Variants in DPP6 observed in about 807,000 individuals in gnomAD.
DPP6 encodes dipeptidyl peptidase like 6.
In DPP6, 69 loss-of-function variants were observed where a neutral mutation model predicts 122.6. That is an observed-to-expected ratio of 0.56 (90% CI 0.46 to 0.69). The LOEUF is 0.69. Among genes scored for constraint, DPP6 ranks in the 30% least tolerant of loss-of-function variants. The pLI is 0.00. For missense variants in DPP6, 928 were observed against 1,116.9 expected, an observed-to-expected ratio of 0.83 and a Z score of 2.41; for synonymous variants, 418 against 433.1, an observed-to-expected ratio of 0.97 and a Z score of 0.43.
chr7:153,908,648 A>G, intron 1 of DPP6, among the ~76,000 whole-genome samples: 1 of 152,238 alleles, frequency 6.6e-6, no homozygotes, highest in East Asian at 1.9e-4. Context: ...TGCCATCTTC[A>G]AGGATTTCAT....
intron 16 of DPP6, among the ~76,000 whole-genome samples, chr7:154,815,210 T>C (rs927394649): frequency 1.1e-4 from 17 of 152,226 alleles, no homozygotes; most frequent in Non-Finnish European, 2.4e-4. Flanking sequence ...AGGGGGTCAC[T>C]GAAGGAAGTA....
Position 154,892,672 on chromosome 7 carries a change from C to A in DPP6, c.*192C>A. On this transcript the variant is annotated 3_prime_UTR_variant, in exon 26 of 26. Coordinates refer to ENST00000377770, the MANE Select transcript of DPP6 (RefSeq NM_130797.4). The stretch of plus-strand genomic sequence containing the variant: ...CCTTCCCCGGGGTCATCACTCACGG[C>A]CTCCATGGCACCAGGGACAACGCTG... The A allele has an allele frequency of 2.5e-6, 3 of 1,190,428 alleles. No homozygotes were observed. The highest frequency in any genetic ancestry group is 3.6e-6 in the Non-Finnish European group (3 of 822,676). 73.7% of individuals were successfully genotyped at this position (1,190,428 alleles called of 1,614,324 possible).
intron 1 of DPP6, among the ~76,000 whole-genome samples, chr7:154,149,895 G>A (rs1315186252): frequency 2.6e-5 from 4 of 152,048 alleles, no homozygotes; most frequent in Admixed American, 6.6e-5. Context: ...TCAGACCACC[G>A]GGAAAGTTCC....
At chr7:154,773,170 T>G (rs1410539441) in intron 10 of DPP6, among the ~76,000 whole-genome samples, 1 of 152,186 alleles carries the variant, frequency 6.6e-6, no homozygotes, top group Non-Finnish European at 1.5e-5. Flanking sequence ...CAGGTTATCC[T>G]CCTGAGAGCT....
At chr7:154,009,976 A>G (rs1238306480) in intron 1 of DPP6, among the ~76,000 whole-genome samples, 2 of 152,268 alleles carry the variant, frequency 1.3e-5, no homozygotes, top group African/African-American at 2.4e-5. Context: ...CTAAAGTCGC[A>G]TAGGTAATTA....
chr7:154,616,733 A>G (rs1437850953), intron 5 of DPP6, among the ~76,000 whole-genome samples: 27 of 152,192 alleles, frequency 1.8e-4, no homozygotes. Flanking sequence ...CAAACAGTGA[A>G]ACTAGGTCTT....
chr7:154,447,113 C>T (rs1819945106), intron 2 of DPP6, among the ~76,000 whole-genome samples: 1 of 152,114 alleles, frequency 6.6e-6, no homozygotes, highest in Non-Finnish European at 1.5e-5. Context: ...CGAGACCATC[C>T]TGGCCAACAG....
chr7:154,345,939 T>A (rs942203432), intron 1 of DPP6, among the ~76,000 whole-genome samples: 2 of 152,208 alleles, frequency 1.3e-5, no homozygotes, highest in Non-Finnish European at 2.9e-5. Context: ...CAGAAAACTT[T>A]CTGTCAGTCA....
intron 1 of DPP6, chr7:154,026,549 A>T (rs949289225): frequency 2.0e-5 from 3 of 152,172 alleles, no homozygotes; most frequent in African/African-American, 7.2e-5. Context: ...TGATGAGGTC[A>T]TGGACATTAA....
chr7:153,964,940 T>TTCTTTCTTTTTCTTTCTTTCTCTC (rs775438233), intron 1 of DPP6, among the ~76,000 whole-genome samples: 4 of 86,728 alleles, frequency 4.6e-5, no homozygotes, highest in African/African-American at 2.5e-4. Context: ...CTTTCTTTCT[T>TTCTTTCTTTTTCTTTCTTTCTCTC]TTTCTTTCTT....
At chr7:154,298,168 C>G (rs1805662907) in intron 1 of DPP6, among the ~76,000 whole-genome samples, 1 of 152,032 alleles carries the variant, frequency 6.6e-6, no homozygotes, top group Non-Finnish European at 1.5e-5. Flanking sequence ...AGCCACCATC[C>G]CAACTCTTCC....
chr7:154,175,400 G>A (rs1438826110), intron 1 of DPP6, among the ~76,000 whole-genome samples: 1 of 152,124 alleles, frequency 6.6e-6, no homozygotes, highest in Non-Finnish European at 1.5e-5. Flanking sequence ...GCTTAAGGGA[G>A]GAGAAGGCCT....
intron 6 of DPP6, among the ~76,000 whole-genome samples, chr7:154,656,682 A>C (rs1837275253): frequency 1.3e-5 from 2 of 151,818 alleles, no homozygotes; most frequent in Non-Finnish European, 1.5e-5. Flanking sequence ...CGTTGGGCTG[A>C]TGATGGGTTA....
intron 7 of DPP6, among the ~76,000 whole-genome samples, chr7:154,704,452 T>A (rs1405759374): frequency 6.6e-6 from 1 of 152,182 alleles, no homozygotes; most frequent in Non-Finnish European, 1.5e-5. Flanking sequence ...TTGAAGGAAA[T>A]TCTGATGTGG....
intron 1 of DPP6, among the ~76,000 whole-genome samples, chr7:154,424,653 C>T (rs988121669): frequency 6.6e-5 from 10 of 152,204 alleles, no homozygotes; most frequent in Admixed American, 2.0e-4. Flanking sequence ...CATCTGCTGC[C>T]CAGTTCACGT....
chr7:154,881,057 A>G, intron 21 of DPP6, 115 bp downstream of exon 21: 1 of 1,401,240 alleles, frequency 7.1e-7, no homozygotes, highest in Middle Eastern at 1.9e-4. Flanking sequence ...TGAGCAAGTA[A>G]TTTTTTAAAA....
At chr7:153,857,725 C>T in the DPP6 span, among the ~76,000 whole-genome samples, 2 of 152,254 alleles carry the variant, frequency 1.3e-5, no homozygotes, top group East Asian at 3.9e-4. Context: ...CACATATCTA[C>T]AGTGCTTTTT....
intron 5 of DPP6, among the ~76,000 whole-genome samples, chr7:154,609,694 A>G (rs1000598736): frequency 2.6e-5 from 4 of 152,202 alleles, no homozygotes; most frequent in Middle Eastern, 3.2e-3. Context: ...TCTGTTCACA[A>G]ACACTACAGA....
At chr7:154,329,993 G>C (rs552546898) in intron 1 of DPP6, among the ~76,000 whole-genome samples, 13 of 152,190 alleles carry the variant, frequency 8.5e-5, no homozygotes, top group African/African-American at 3.1e-4. Context: ...ACACATGGAC[G>C]ACACAGGGAG....
Sources: gnomAD v4.1 joint callset for allele counts (sites outside exome capture counted in the v4.1 genomes callset) on GRCh38, gnomAD v4.1.1 for gene constraint, MANE v1.5 for transcripts, NCBI Gene and HGNC (gene_info 2026-07-23, HGNC 2026-07-21) for gene names.